The following ASPRV1 variants were observed in gnomAD, a reference collection of about 807,000 sequenced individuals.
ASPRV1 encodes aspartic peptidase retroviral like 1.
A neutral mutation model predicts 11.0 loss-of-function variants in ASPRV1; 7 were observed. That is an observed-to-expected ratio of 0.64 (90% confidence interval 0.36 to 1.20). ASPRV1 has a LOEUF of 1.20. ASPRV1 is among the 50% of genes most tolerant of loss of function. The pLI is 0.02. For missense variants in ASPRV1, 299 were observed against 320.0 expected, an observed-to-expected ratio of 0.93 and a Z score of 0.50; for synonymous variants, 136 against 138.4, an observed-to-expected ratio of 0.98 and a Z score of 0.12.
chr2:69,952,339 G>A, the ASPRV1 span, among the ~76,000 whole-genome samples: 275 of 152,128 alleles, frequency 1.8e-3, 2 homozygotes, highest in African/African-American at 5.3e-3. Flanking sequence ...GCAAAACCCC[G>A]TCTCTACAAA....
the ASPRV1 span, among the ~76,000 whole-genome samples, chr2:70,023,445 C>A: frequency 6.6e-6 from 1 of 152,212 alleles, no homozygotes; most frequent in Non-Finnish European, 1.5e-5. Flanking sequence ...TGGGCACTCT[C>A]TCTCTGCAGT....
chr2:70,085,479 T>A, the ASPRV1 span: 1 of 152,212 alleles, frequency 6.6e-6, no homozygotes, highest in African/African-American at 2.4e-5. Context: ...CAAGCTCACC[T>A]AAACGTTTTA....
chr2:70,074,598 A>G, the ASPRV1 span, among the ~76,000 whole-genome samples: 1 of 151,688 alleles, frequency 6.6e-6, no homozygotes, highest in Admixed American at 6.6e-5. Flanking sequence ...TTTAATGAAT[A>G]AGGACCATAA....
upstream of ASPRV1, chr2:69,961,843 G>T: frequency 1.3e-6 from 1 of 799,014 alleles, no homozygotes; most frequent in Non-Finnish European, 2.0e-6. Context: ...GTTGAAGGGG[G>T]ACTACCCTGT....
chr2:70,011,515 T>C, the ASPRV1 span: 1 of 152,520 alleles, frequency 6.6e-6, no homozygotes, highest in Non-Finnish European at 1.5e-5. Context: ...GGGAGCCAGA[T>C]AAGGGGAGGA....
chr2:70,044,552 CG>C, the ASPRV1 span, among the ~76,000 whole-genome samples: 1 of 152,198 alleles, frequency 6.6e-6, no homozygotes, highest in Non-Finnish European at 1.5e-5. Context: ...CACCGCCTCG[CG>C]GATTCAGGCG....
the ASPRV1 span, among the ~76,000 whole-genome samples, chr2:70,024,462 C>T: frequency 7.2e-5 from 11 of 152,144 alleles, no homozygotes; most frequent in African/African-American, 2.7e-4. Context: ...GGGGCCGGTA[C>T]TGCCTTGTGG....
At chr2:70,038,579 T>C in the ASPRV1 span, among the ~76,000 whole-genome samples, 1 of 140,424 alleles carries the variant, frequency 7.1e-6, no homozygotes, top group Non-Finnish European at 1.5e-5. Flanking sequence ...AACAAAACCA[T>C]GTCTCAAGGG....
At chr2:70,032,712 C>G in the ASPRV1 span, among the ~76,000 whole-genome samples, 2 of 152,178 alleles carry the variant, frequency 1.3e-5, no homozygotes, top group Non-Finnish European at 2.9e-5. Context: ...AGTCCCAAGA[C>G]TTTGTGTAAG....
the ASPRV1 span, chr2:70,086,398 C>T: frequency 6.6e-6 from 1 of 152,188 alleles, no homozygotes; most frequent in Non-Finnish European, 1.5e-5. Flanking sequence ...TGGCTTAGCC[C>T]AAGGAGGAAG....
the ASPRV1 span, among the ~76,000 whole-genome samples, chr2:70,067,999 T>C: frequency 6.6e-6 from 1 of 152,232 alleles, no homozygotes; most frequent in African/African-American, 2.4e-5. Flanking sequence ...GAGGTTCACG[T>C]ATTCTGGCTT....
At chr2:70,065,642 G>A in the ASPRV1 span, among the ~76,000 whole-genome samples, 1 of 151,068 alleles carries the variant, frequency 6.6e-6, no homozygotes. Flanking sequence ...GACCAGCTGT[G>A]AGACCTCGTT....
chr2:70,042,644 C>T, the ASPRV1 span, among the ~76,000 whole-genome samples: 1 of 152,188 alleles, frequency 6.6e-6, no homozygotes, highest in African/African-American at 2.4e-5. Context: ...GAGACACTGG[C>T]TCTAATATCC....
the ASPRV1 span, among the ~76,000 whole-genome samples, chr2:69,989,592 C>A: frequency 6.6e-6 from 1 of 152,204 alleles, no homozygotes; most frequent in African/African-American, 2.4e-5. Context: ...TCATTTGGGG[C>A]GTGGAGGGGG....
chr2:70,002,261 G>A, the ASPRV1 span, among the ~76,000 whole-genome samples: 27 of 152,162 alleles, frequency 1.8e-4, no homozygotes, highest in East Asian at 9.6e-4. Context: ...CTTTGTATGA[G>A]ACATAAATGC....
chr2:69,940,126 GA>G, the ASPRV1 span: 1 of 116,910 alleles, frequency 8.6e-6, no homozygotes, highest in African/African-American at 3.2e-5. Context: ...TGGGTGGGGG[GA>G]GGGGCAGGTG....
the ASPRV1 span, among the ~76,000 whole-genome samples, chr2:69,946,558 A>G: frequency 0.58 from 88,948 of 152,136 alleles, 28,877 homozygotes; most frequent in African/African-American, 0.86. Context: ...GAGCAATTAT[A>G]ATCATTTTCC....
chr2:69,941,103 T>A, the ASPRV1 span: 7 of 152,306 alleles, frequency 4.6e-5, no homozygotes, highest in South Asian at 1.0e-3. Flanking sequence ...CAGATGTGTA[T>A]AAATATAGGC....
At chr2:70,001,130 C>T in the ASPRV1 span, among the ~76,000 whole-genome samples, 4 of 151,276 alleles carry the variant, frequency 2.6e-5, no homozygotes, top group Non-Finnish European at 5.9e-5. Context: ...TGAAAGTGTG[C>T]ATACTCCTTG....
Sources: allele counts gnomAD v4.1 joint callset (sites outside exome capture counted in the v4.1 genomes callset), GRCh38; gene constraint gnomAD v4.1.1; transcripts MANE v1.5; gene names NCBI Gene and HGNC (gene_info 2026-07-23, HGNC 2026-07-21).